Variants in VPS13B observed in about 807,000 individuals in gnomAD.
VPS13B encodes intermembrane lipid transfer protein VPS13B.
Under a neutral mutation model 426.4 loss-of-function variants are expected in VPS13B, and 285 were observed. The observed-to-expected ratio is 0.67, with a 90% CI of 0.61 to 0.74. VPS13B has a LOEUF of 0.74. Ranked by LOEUF, VPS13B falls within the 30% of genes least tolerant of loss-of-function variation. The probability of loss-of-function intolerance (pLI) is 0.00; values close to 1 mark genes in which losing one functional copy is unlikely to be tolerated. For synonymous variants in VPS13B, 1,676 were observed against 1,676.4 expected, an observed-to-expected ratio of 1.00 and a Z score of 0.01; for missense variants, 4,537 against 4,782.6, an observed-to-expected ratio of 0.95 and a Z score of 1.51.
At chr8:99,148,410 T>G (rs1810867273) in intron 14 of VPS13B, among the ~76,000 whole-genome samples, 1 of 151,630 alleles carries the variant, frequency 6.6e-6, no homozygotes, top group South Asian at 2.1e-4. Flanking sequence ...TATATAGTTA[T>G]CCATGATGAA....
At chr8:99,269,681 C>T (rs1331995734) in intron 17 of VPS13B, among the ~76,000 whole-genome samples, 2 of 152,144 alleles carry the variant, frequency 1.3e-5, no homozygotes, top group Admixed American at 6.5e-5. Flanking sequence ...ACATTGCTTC[C>T]CTAATAGTAA....
At position 99,876,221 on chromosome 8, in the gene VPS13B, C is replaced by T. The variant is rs1317369934; in HGVS notation, c.*555C>T. The T allele has an allele frequency of 1.9e-5, 3 of 161,018 alleles. No homozygotes were observed. The highest frequency in any genetic ancestry group is 4.1e-5 in the Non-Finnish European group (3 of 72,814). 10.0% of individuals were successfully genotyped at this position (161,018 alleles called of 1,614,324 possible). On this transcript the variant is annotated 3_prime_UTR_variant, in exon 62 of 62. Coordinates refer to ENST00000357162, the MANE Select transcript of VPS13B (RefSeq NM_152564.5). ...CCTTTGCCTCATGCTCCTTTGTCTG[C>T]AAAGGCCTAGGATTCTTTCTTTAAA...
Position 99,274,470 on chromosome 8 carries a change from T to G in VPS13B, c.2650+138T>G, listed in dbSNP as rs1818790530. 5.0e-6 allele frequency: 7 copies of G among 1,388,290 alleles called. No individual in the cohort carries two copies. The African/African-American group carries it at 8.7e-5, about 17-fold the overall frequency. The allele number at this position is 1,388,290 out of a possible 1,614,324, so 86.0% of individuals were successfully genotyped here. A position where few individuals can be genotyped will look rare whatever the true frequency, so the allele number is the denominator to read the frequency against. On this transcript the variant is annotated intron_variant, in intron 18 of 61. Coordinates refer to ENST00000357162, the MANE Select transcript of VPS13B (RefSeq NM_152564.5). ...ACGTTTTAAATTTTTACTTAGAAAT[T>G]TTTCTAATTGTGCCAGGATGGTACT...
At chr8:99,644,117 G>T (rs1829483137) in intron 34 of VPS13B, among the ~76,000 whole-genome samples, 1 of 152,096 alleles carries the variant, frequency 6.6e-6, no homozygotes, top group Admixed American at 6.6e-5. Context: ...GGGCCGAGAG[G>T]AACAGCTATG....
At chr8:99,808,508 CAAAAA>C (rs758638504) in intron 43 of VPS13B, among the ~76,000 whole-genome samples, 1 of 64,964 alleles carries the variant, frequency 1.5e-5, no homozygotes, top group South Asian at 5.6e-4. Flanking sequence ...GAGCGAGACT[CAAAAA>C]AAAAAAAAAA....
chr8:99,713,648 G>A (rs1014510413), intron 36 of VPS13B, among the ~76,000 whole-genome samples: 1 of 152,180 alleles, frequency 6.6e-6, no homozygotes, highest in Non-Finnish European at 1.5e-5. Flanking sequence ...TCTTATCTCT[G>A]CTGAAGGGGC....
rs1008990445 is a variant in VPS13B, at chr8:99,140,180, C to A, written c.1652-2794C>A. Among the ~76,000 whole-genome samples the A allele has an allele frequency of 3.3e-5, 5 of 151,876 alleles. No homozygotes were observed. The East Asian group carries it at 9.7e-4, about 29-fold the overall frequency. On this transcript the variant is annotated intron_variant, in intron 12 of 61. Transcript: ENST00000357162. ...AGGAGTTCGAGACCAGCCTGGCCAACATGGTGAAACCCCTTCTCTACTAAA... is the reference window on the plus strand; with the variant it reads ...AGGAGTTCGAGACCAGCCTGGCCAAAATGGTGAAACCCCTTCTCTACTAAA...
intron 42 of VPS13B, among the ~76,000 whole-genome samples, chr8:99,781,714 T>C (rs1812028582): frequency 6.6e-6 from 1 of 152,158 alleles, no homozygotes; most frequent in Non-Finnish European, 1.5e-5. Flanking sequence ...TTTTTAGAGA[T>C]GAAGAAAGTA....
intron 23 of VPS13B, among the ~76,000 whole-genome samples, chr8:99,444,280 G>A (rs1817811640): frequency 2.0e-5 from 3 of 151,884 alleles, no homozygotes; most frequent in Non-Finnish European, 4.4e-5. Context: ...TGTATTTTTA[G>A]TAGAGTCAGG....
intron 17 of VPS13B, among the ~76,000 whole-genome samples, chr8:99,266,495 T>C (rs1818311426): frequency 6.6e-6 from 1 of 152,020 alleles, no homozygotes; most frequent in Non-Finnish European, 1.5e-5. Flanking sequence ...TTCAGAAAAG[T>C]ACTAGGAGGA....
chr8:99,372,267 A>C (rs1429755556), intron 19 of VPS13B, among the ~76,000 whole-genome samples: 2 of 149,726 alleles, frequency 1.3e-5, no homozygotes, highest in Non-Finnish European at 3.0e-5. Context: ...AAAAAAAAAC[A>C]AAAAACACCA....
intron 3 of VPS13B, among the ~76,000 whole-genome samples, chr8:99,057,024 A>G (rs1412559359): frequency 6.6e-6 from 1 of 151,816 alleles, no homozygotes; most frequent in Non-Finnish European, 1.5e-5. Flanking sequence ...TTGATTGTTC[A>G]TTGTTAAGTT....
At chr8:99,072,927 G>T (rs1844921805) in intron 3 of VPS13B, among the ~76,000 whole-genome samples, 1 of 152,032 alleles carries the variant, frequency 6.6e-6, no homozygotes, top group Admixed American at 6.6e-5. Flanking sequence ...ATTTATTTCT[G>T]GGTTCTCTTT....
At chr8:99,213,265 TTTG>T (rs1230920497) in intron 17 of VPS13B, among the ~76,000 whole-genome samples, 1 of 152,174 alleles carries the variant, frequency 6.6e-6, no homozygotes, top group Non-Finnish European at 1.5e-5. Flanking sequence ...GAAGTTTCCA[TTTG>T]TTATTACTAC....
intron 14 of VPS13B, among the ~76,000 whole-genome samples, chr8:99,149,730 G>T (rs1234969553): frequency 6.6e-6 from 1 of 152,050 alleles, no homozygotes; most frequent in South Asian, 2.1e-4. Context: ...TAGGAACTGG[G>T]TTGCAGAGAA....
intron 17 of VPS13B, among the ~76,000 whole-genome samples, chr8:99,199,440 G>A (rs540380226): frequency 6.6e-6 from 1 of 152,154 alleles, no homozygotes; most frequent in African/African-American, 2.4e-5. Flanking sequence ...CAAAGTGCTG[G>A]GATTACAGGC....
chr8:99,308,728 T>C (rs1157136379), intron 19 of VPS13B, among the ~76,000 whole-genome samples: 1 of 152,224 alleles, frequency 6.6e-6, no homozygotes, highest in South Asian at 2.1e-4. Flanking sequence ...TGGTAATTTC[T>C]AGTTCTAGAT....
chr8:99,869,140 GT>G (rs1451438803), intron 59 of VPS13B, among the ~76,000 whole-genome samples: 1 of 152,252 alleles, frequency 6.6e-6, no homozygotes, highest in East Asian at 1.9e-4. Flanking sequence ...GCACATTCAA[GT>G]GACTTTCCAT....
intron 33 of VPS13B, among the ~76,000 whole-genome samples, chr8:99,586,318 A>T (rs982378825): frequency 6.6e-6 from 1 of 152,200 alleles, no homozygotes; most frequent in Non-Finnish European, 1.5e-5. Flanking sequence ...TTAAGGCCTC[A>T]GAGCTGTTCA....
Sources: gnomAD v4.1 joint callset for allele counts (sites outside exome capture counted in the v4.1 genomes callset) on GRCh38, gnomAD v4.1.1 for gene constraint, MANE v1.5 for transcripts, NCBI Gene and HGNC (gene_info 2026-07-23, HGNC 2026-07-21) for gene names.